Variants in TMEM132D observed in about 807,000 individuals in gnomAD.
TMEM132D encodes mature OL transmembrane protein.
TMEM132D carries 21 observed loss-of-function variants against 62.3 expected under a neutral mutation model. The observed-to-expected ratio is 0.34, with a 90% CI of 0.24 to 0.49. The LOEUF is 0.49. TMEM132D is among the 20% of genes least tolerant of loss of function. The pLI is 0.99. For missense variants in TMEM132D, 1,346 were observed against 1,402.8 expected (o/e 0.96, Z 0.65); for synonymous variants, 621 against 575.6 (o/e 1.08, Z -1.13).
intron 2 of TMEM132D, among the ~76,000 whole-genome samples, chr12:129,626,970 A>G (rs1879236035): frequency 6.6e-6 from 1 of 152,182 alleles, no homozygotes; most frequent in African/African-American, 2.4e-5. Context: ...CTTGGCACTC[A>G]GAACCACCTG....
intron 5 of TMEM132D, among the ~76,000 whole-genome samples, chr12:129,203,886 G>T (rs1878773237): frequency 6.6e-6 from 1 of 152,196 alleles, no homozygotes; most frequent in Admixed American, 6.5e-5. Flanking sequence ...CTGAACAAAA[G>T]AAATATGGGC....
intron 2 of TMEM132D, among the ~76,000 whole-genome samples, chr12:129,610,640 G>T (rs1878749248): frequency 6.6e-6 from 1 of 152,016 alleles, no homozygotes; most frequent in South Asian, 2.1e-4. Flanking sequence ...CAGATTGCTT[G>T]CATAGAGCCA....
chr12:129,658,988 A>G (rs903484207), intron 2 of TMEM132D, among the ~76,000 whole-genome samples: 1 of 151,892 alleles, frequency 6.6e-6, no homozygotes. Flanking sequence ...GCAACCTCCA[A>G]CTCCCGGGAT....
At chr12:129,625,224 G>A (rs1223510843) in intron 2 of TMEM132D, among the ~76,000 whole-genome samples, 1 of 152,088 alleles carries the variant, frequency 6.6e-6, no homozygotes, top group African/African-American at 2.4e-5. Context: ...TCATTTTTAA[G>A]AGGTCTCTAC....
At chr12:129,590,777 CCA>C (rs1256080968) in intron 2 of TMEM132D, among the ~76,000 whole-genome samples, 1 of 152,180 alleles carries the variant, frequency 6.6e-6, no homozygotes, top group Non-Finnish European at 1.5e-5. Context: ...CCTCCTTCAT[CCA>C]CACAGTCCAG....
At chr12:129,205,064 G>GA (rs139222062) in intron 5 of TMEM132D, among the ~76,000 whole-genome samples, 2 of 151,952 alleles carry the variant, frequency 1.3e-5, no homozygotes, top group African/African-American at 4.8e-5. Flanking sequence ...CAGCCAATTT[G>GA]AAAAAACACT....
intron 2 of TMEM132D, among the ~76,000 whole-genome samples, chr12:129,646,687 C>T (rs547241637): frequency 1.3e-5 from 2 of 151,996 alleles, no homozygotes; most frequent in African/African-American, 4.8e-5. Flanking sequence ...TGTTCTTATA[C>T]AAATGCGTGG....
chr12:129,590,547 A>C (rs1043126711), intron 2 of TMEM132D, among the ~76,000 whole-genome samples: 6 of 152,214 alleles, frequency 3.9e-5, no homozygotes, highest in African/African-American at 1.4e-4. Flanking sequence ...AGGACGCAGA[A>C]TTGTGCTTCC....
intron 2 of TMEM132D, among the ~76,000 whole-genome samples, chr12:129,682,330 G>C (rs1880797950): frequency 6.6e-6 from 1 of 152,138 alleles, no homozygotes; most frequent in Non-Finnish European, 1.5e-5. Context: ...CCTGGACAAG[G>C]TAAGACCCCA....
chr12:129,577,195 C>A (rs750757090), intron 2 of TMEM132D, among the ~76,000 whole-genome samples: 1 of 151,808 alleles, frequency 6.6e-6, no homozygotes, highest in East Asian at 1.9e-4. Context: ...TGGAGATGAA[C>A]TGCCCATGCC....
chr12:129,311,887 T>G (rs1370325531), intron 4 of TMEM132D, among the ~76,000 whole-genome samples: 8 of 152,186 alleles, frequency 5.3e-5, no homozygotes, highest in Non-Finnish European at 1.2e-4. Context: ...TTTTAGGAGA[T>G]GAGATCAAAC....
chr12:129,768,973 T>C (rs1242102850), intron 1 of TMEM132D, among the ~76,000 whole-genome samples: 1 of 152,202 alleles, frequency 6.6e-6, no homozygotes, highest in Non-Finnish European at 1.5e-5. Context: ...TTTCCAATTA[T>C]CCTTGAAAAG....
chr12:129,525,925 C>T (rs190293562), intron 3 of TMEM132D, among the ~76,000 whole-genome samples: 58 of 152,270 alleles, frequency 3.8e-4, no homozygotes, highest in Non-Finnish European at 6.9e-4. Context: ...AGGAAAGTCA[C>T]GCCATTTTGA....
intron 1 of TMEM132D, among the ~76,000 whole-genome samples, chr12:129,739,438 G>T (rs1461906997): frequency 6.6e-6 from 1 of 152,126 alleles, no homozygotes; most frequent in African/African-American, 2.4e-5. Flanking sequence ...GGCAAGACAA[G>T]AACAGATGGA....
rs1224275605 is a variant in TMEM132D at position 129,126,835 on chromosome 12, C to G, written c.1444-42133G>C. 2.6e-5 allele frequency among the ~76,000 whole-genome samples: 4 copies of G among 152,160 alleles called. No individual in the cohort carries two copies. The East Asian group carries it at 7.7e-4, about 29-fold the overall frequency. On this transcript the variant is annotated intron_variant, in intron 5 of 8. Coordinates refer to ENST00000422113, the MANE Select transcript of TMEM132D (RefSeq NM_133448.3). ...CCTTGTTATTAGCATCAGGCAATTA[C>G]AAACAAGGGCCCAGTTCTCCATGAA... is the stretch of plus-strand genomic sequence containing the variant.
intron 2 of TMEM132D, among the ~76,000 whole-genome samples, chr12:129,680,144 T>C (rs1435262649): frequency 2.6e-5 from 4 of 152,196 alleles, no homozygotes; most frequent in African/African-American, 7.2e-5. Context: ...TGTGTGCCCA[T>C]GTGCTGAGAA....
At chr12:129,633,642 C>T (rs1325028859) in intron 2 of TMEM132D, among the ~76,000 whole-genome samples, 1 of 152,146 alleles carries the variant, frequency 6.6e-6, no homozygotes, top group Non-Finnish European at 1.5e-5. Flanking sequence ...TGAATGGCAT[C>T]TCTCTTTCAT....
chr12:129,624,217 C>T (rs1443163392), intron 2 of TMEM132D, among the ~76,000 whole-genome samples: 1 of 152,168 alleles, frequency 6.6e-6, no homozygotes, highest in Non-Finnish European at 1.5e-5. Flanking sequence ...CACTTTTTCA[C>T]TATTTCAATA....
At position 129,880,015 on chromosome 12, in the gene TMEM132D, A is replaced by C. The variant is rs1274820404; in HGVS notation, c.79+23246T>G. Among the ~76,000 whole-genome samples, 3 of 152,148 alleles carry C rather than the reference A, an allele frequency of 2.0e-5. No individual in the cohort carries two copies. In the East Asian group the frequency reaches 5.8e-4, roughly 29 times the overall value. On this transcript the variant is annotated intron_variant, in intron 1 of 8. Coordinates refer to ENST00000422113, the MANE Select transcript of TMEM132D (RefSeq NM_133448.3). Reference sequence around the variant, plus strand: ...AAAAGATTCAAACCACAGACCCCAGAACCTCAGAGAATCCCAAGCAGGATA... The same window carrying C: ...AAAAGATTCAAACCACAGACCCCAGCACCTCAGAGAATCCCAAGCAGGATA...
Sources: allele counts gnomAD v4.1 joint callset (sites outside exome capture counted in the v4.1 genomes callset), GRCh38; gene constraint gnomAD v4.1.1; transcripts MANE v1.5; gene names NCBI Gene and HGNC (gene_info 2026-07-23, HGNC 2026-07-21).